Variants in ATXN7L1 observed in about 807,000 individuals in gnomAD.
ATXN7L1 encodes ataxin 7 like 1.
Under a neutral mutation model 70.8 loss-of-function variants are expected in ATXN7L1, and 15 were observed. The ratio of observed to expected loss-of-function variants is 0.21; its 90% confidence interval spans 0.14 to 0.33. The LOEUF (loss-of-function observed/expected upper bound fraction) is 0.33, where lower values mean the gene tolerates loss of function less well. Among genes scored for constraint, ATXN7L1 ranks in the 10% least tolerant of loss-of-function variants. The probability of loss-of-function intolerance (pLI) is 1.00; values close to 1 mark genes in which losing one functional copy is unlikely to be tolerated. For synonymous variants in ATXN7L1, 440 were observed against 445.1 expected, an observed-to-expected ratio of 0.99 and a Z score of 0.14; for missense variants, 975 against 1,097.1, an observed-to-expected ratio of 0.89 and a Z score of 1.57.
intron 3 of ATXN7L1, among the ~76,000 whole-genome samples, chr7:105,737,404 C>A (rs1050932517): frequency 3.9e-5 from 6 of 152,220 alleles, no homozygotes; most frequent in African/African-American, 1.4e-4. Flanking sequence ...ATCCTCATGA[C>A]AATTCCACGA....
intron 4 of ATXN7L1, among the ~76,000 whole-genome samples, chr7:105,664,086 T>A (rs541604099): frequency 2.0e-5 from 3 of 152,262 alleles, no homozygotes; most frequent in African/African-American, 7.2e-5. Flanking sequence ...CTCTGAATTT[T>A]CACAGCCCAC....
chr7:105,623,166 T>G (rs774403484), intron 8 of ATXN7L1, among the ~76,000 whole-genome samples: 6 of 152,158 alleles, frequency 3.9e-5, no homozygotes, highest in Admixed American at 6.5e-5. Flanking sequence ...GAAGTGAACT[T>G]GGCCTTCGTT....
chr7:105,767,409 G>A (rs948121255), intron 3 of ATXN7L1, among the ~76,000 whole-genome samples: 3 of 152,170 alleles, frequency 2.0e-5, no homozygotes, highest in Middle Eastern at 3.4e-3. Context: ...CTTCTCTCCC[G>A]CCATGCGTCC....
chr7:105,757,140 T>C (rs969268628), intron 3 of ATXN7L1, among the ~76,000 whole-genome samples: 6 of 152,306 alleles, frequency 3.9e-5, no homozygotes, highest in South Asian at 2.1e-4. Flanking sequence ...AGGGCCTAAA[T>C]GAGCACATGC....
At chr7:105,828,604 C>G (rs762838406) in intron 2 of ATXN7L1, among the ~76,000 whole-genome samples, 5 of 152,224 alleles carry the variant, frequency 3.3e-5, no homozygotes, top group Non-Finnish European at 7.3e-5. Context: ...AACACATACT[C>G]TATGCCAACT....
At chr7:105,645,735 C>T (rs1293913975) in intron 4 of ATXN7L1, among the ~76,000 whole-genome samples, 1 of 151,746 alleles carries the variant, frequency 6.6e-6, no homozygotes, top group Non-Finnish European at 1.5e-5. Flanking sequence ...ATGGCGTGAA[C>T]CCAGGAGGCA....
intron 3 of ATXN7L1, among the ~76,000 whole-genome samples, chr7:105,701,601 A>T (rs556955385): frequency 1.6e-4 from 24 of 152,262 alleles, no homozygotes; most frequent in Non-Finnish European, 3.4e-4. Flanking sequence ...TTGGAGCACC[A>T]CTCCTATTTG....
At chr7:105,691,093 C>A (rs1156297701) in intron 3 of ATXN7L1, among the ~76,000 whole-genome samples, 2 of 152,210 alleles carry the variant, frequency 1.3e-5, no homozygotes, top group Non-Finnish European at 2.9e-5. Flanking sequence ...CCGTCCCCCT[C>A]CCCCGTGACT....
intron 3 of ATXN7L1, among the ~76,000 whole-genome samples, chr7:105,780,522 G>A (rs117085055): frequency 6.6e-6 from 1 of 151,810 alleles, no homozygotes; most frequent in East Asian, 1.9e-4. Context: ...CTTGTCTATT[G>A]AATGACATCC....
At chr7:105,691,236 C>T (rs1417679256) in intron 3 of ATXN7L1, among the ~76,000 whole-genome samples, 1 of 152,288 alleles carries the variant, frequency 6.6e-6, no homozygotes, top group Admixed American at 6.5e-5. Context: ...CATCCACCCT[C>T]GAGGAGCGCC....
At chr7:105,832,324 A>C (rs1442474878) in intron 2 of ATXN7L1, among the ~76,000 whole-genome samples, 1 of 152,172 alleles carries the variant, frequency 6.6e-6, no homozygotes, top group East Asian at 1.9e-4. Context: ...AGAGCTCTGA[A>C]ACCAAGTTTT....
At chr7:105,831,925 A>G (rs1811681569) in intron 2 of ATXN7L1, among the ~76,000 whole-genome samples, 1 of 152,202 alleles carries the variant, frequency 6.6e-6, no homozygotes, top group African/African-American at 2.4e-5. Context: ...AAAAGACTGA[A>G]GAAATCAGAG....
intron 4 of ATXN7L1, among the ~76,000 whole-genome samples, chr7:105,649,007 G>C (rs1290214806): frequency 1.3e-5 from 2 of 150,770 alleles, no homozygotes; most frequent in Admixed American, 6.6e-5. Context: ...TACACTGTTT[G>C]CTTAGGTGAC....
At chr7:105,643,570 G>A (rs1257763739) in intron 4 of ATXN7L1, among the ~76,000 whole-genome samples, 5 of 152,252 alleles carry the variant, frequency 3.3e-5, no homozygotes, top group South Asian at 4.1e-4. Context: ...GGCCCGGATC[G>A]GGCCTGACAT....
At chr7:105,665,435 C>T (rs901330464) in intron 3 of ATXN7L1, 147 bp from the exon 4 acceptor site, 56 of 652,364 alleles carry the variant, frequency 8.6e-5, no homozygotes, top group African/African-American at 3.5e-4. Flanking sequence ...TCTGATGAGA[C>T]GATTTGTCTT....
At chr7:105,767,563 T>C (rs1370972472) in intron 3 of ATXN7L1, among the ~76,000 whole-genome samples, 2 of 152,208 alleles carry the variant, frequency 1.3e-5, no homozygotes, top group Admixed American at 6.5e-5. Flanking sequence ...TTTAAGTGTA[T>C]AGATGTCTGG....
chr7:105,875,626 T>TTC lies in ATXN7L1; in HGVS notation c.250+185_250+186insGA, dbSNP rs146310508. Among the ~76,000 whole-genome samples, 71 of 59,520 alleles carry TTC rather than the reference T, an allele frequency of 1.2e-3. 1 individual carries two copies. Among genetic ancestry groups the TTC allele is most frequent in the East Asian group, 2.6e-3 (2 of 760 alleles). 39.0% of individuals were successfully genotyped at this position (59,520 alleles called of 152,430 possible). On this transcript the variant is annotated intron_variant, in intron 2 of 11. Transcript: ENST00000419735. ...TGCCTTCAACAGTCTCACCCCCCTT[T>TTC]ACCCCCCCCCCAGTTGTATTTATAC...
At chr7:105,793,576 G>A (rs1412092312) in intron 2 of ATXN7L1, among the ~76,000 whole-genome samples, 1 of 152,192 alleles carries the variant, frequency 6.6e-6, no homozygotes, top group East Asian at 1.9e-4. Flanking sequence ...CATGTGGACA[G>A]AGGAAGGCTG....
intron 4 of ATXN7L1, among the ~76,000 whole-genome samples, chr7:105,655,494 G>A (rs1800481214): frequency 6.6e-6 from 1 of 152,216 alleles, no homozygotes; most frequent in African/African-American, 2.4e-5. Context: ...AGGCCAGGGA[G>A]AGGCAACTGC....
Sources: gnomAD v4.1 joint callset for allele counts (sites outside exome capture counted in the v4.1 genomes callset) on GRCh38, gnomAD v4.1.1 for gene constraint, MANE v1.5 for transcripts, NCBI Gene and HGNC (gene_info 2026-07-23, HGNC 2026-07-21) for gene names.